UNC13C: variants seen among roughly 807,000 people sequenced by gnomAD.
UNC13C encodes the protein protein unc-13 homolog C.
A neutral mutation model predicts 245.4 loss-of-function variants in UNC13C; 174 were observed. The ratio of observed to expected loss-of-function variants is 0.71; its 90% CI spans 0.63 to 0.80. The LOEUF (loss-of-function observed/expected upper bound fraction) is 0.80. Among genes scored for constraint, UNC13C ranks in the 30% least tolerant of loss-of-function variants. The pLI is 0.00. For missense variants in UNC13C, 2,829 were observed against 2,602.9 expected, an observed-to-expected ratio of 1.09 and a Z score of -1.89; for synonymous variants, 992 against 895.1, an observed-to-expected ratio of 1.11 and a Z score of -1.93.
chr15:54,022,178 C>T (rs752159080), intron 2 of UNC13C, among the ~76,000 whole-genome samples: 19 of 152,126 alleles, frequency 1.2e-4, no homozygotes, highest in Admixed American at 5.9e-4. Flanking sequence ...CTGAAATGGC[C>T]GTGCTAATAT....
rs887378084 is a variant in UNC13C, at chr15:54,460,621, C to T, written c.4934-33987C>T. ...GGCCAGGATAAGTACTTGGGTTTCTCAGGCAATGGGCAGGGTCATAGAGCT... is the reference window on the plus strand; with the variant it reads ...GGCCAGGATAAGTACTTGGGTTTCTTAGGCAATGGGCAGGGTCATAGAGCT... On this transcript the variant is annotated intron_variant, in intron 19 of 32. Coordinates refer to ENST00000260323, the MANE Select transcript of UNC13C (RefSeq NM_001080534.3). 2.6e-5 allele frequency among the ~76,000 whole-genome samples: 4 copies of T among 152,356 alleles called. No homozygotes were observed. In the East Asian group the frequency reaches 5.8e-4, roughly 22 times the overall value.
At chr15:54,115,220 C>G (rs1015113460) in intron 2 of UNC13C, among the ~76,000 whole-genome samples, 1 of 151,918 alleles carries the variant, frequency 6.6e-6, no homozygotes, top group Non-Finnish European at 1.5e-5. Context: ...TACATATTTC[C>G]TACATTTTCA....
intron 29 of UNC13C, among the ~76,000 whole-genome samples, chr15:54,562,715 G>A (rs1258494091): frequency 6.6e-6 from 1 of 151,904 alleles, no homozygotes; most frequent in Non-Finnish European, 1.5e-5. Flanking sequence ...TTCAGATATC[G>A]AAGAAAACTA....
At chr15:54,149,756 C>T (rs755560578) in intron 4 of UNC13C, among the ~76,000 whole-genome samples, 3 of 152,146 alleles carry the variant, frequency 2.0e-5, no homozygotes, top group African/African-American at 4.8e-5. Flanking sequence ...GGTTCTACAT[C>T]TGTGGATTCA....
At chr15:53,931,047 G>C in the UNC13C span, among the ~76,000 whole-genome samples, 2 of 152,212 alleles carry the variant, frequency 1.3e-5, no homozygotes, top group African/African-American at 4.8e-5. Flanking sequence ...GAAAGAACCA[G>C]CAGTTGACAA....
intron 13 of UNC13C, among the ~76,000 whole-genome samples, 164 bp downstream of exon 13, chr15:54,300,537 T>G (rs984305337): frequency 1.3e-5 from 2 of 152,182 alleles, no homozygotes; most frequent in African/African-American, 4.8e-5. Context: ...CTGTAAAGTA[T>G]TAATGACTTG....
chr15:54,258,113 A>G (rs1226063069), intron 8 of UNC13C, among the ~76,000 whole-genome samples: 1 of 152,050 alleles, frequency 6.6e-6, no homozygotes, highest in African/African-American at 2.4e-5. Flanking sequence ...TTAACCACCC[A>G]CTTTCTTTGG....
At chr15:53,934,354 T>A in the UNC13C span, among the ~76,000 whole-genome samples, 3 of 152,242 alleles carry the variant, frequency 2.0e-5, no homozygotes, top group African/African-American at 7.2e-5. Context: ...TGTCTACTGA[T>A]GCCAGACTCT....
the UNC13C span, among the ~76,000 whole-genome samples, chr15:53,938,953 A>G: frequency 6.6e-6 from 1 of 152,158 alleles, no homozygotes; most frequent in African/African-American, 2.4e-5. Flanking sequence ...CAGAGAACCA[A>G]GAGCAAACCT....
chr15:54,011,366 C>T (rs1306112370), intron 1 of UNC13C, among the ~76,000 whole-genome samples: 1 of 152,144 alleles, frequency 6.6e-6, no homozygotes, highest in Non-Finnish European at 1.5e-5. Flanking sequence ...GAGGCATTAA[C>T]AGAATTGCTA....
Position 54,300,380 on chromosome 15 carries a change from A to G in UNC13C, c.4268+7A>G. 6.4e-7 allele frequency: 1 copy of G among 1,561,868 alleles called. No homozygotes were observed. Among genetic ancestry groups the G allele is most frequent in the Non-Finnish European group, 8.7e-7 (1 of 1,151,462 alleles). On this transcript the variant is annotated splice_region_variant and intron_variant, in intron 13 of 32. Coordinates refer to ENST00000260323, the MANE Select transcript of UNC13C (RefSeq NM_001080534.3). Reference sequence around the variant, plus strand: ...CCATTTATCAAGCTATGACGTAAGTACTACAGAACATTTACATGGTCAATA... The same window carrying G: ...CCATTTATCAAGCTATGACGTAAGTGCTACAGAACATTTACATGGTCAATA...
At chr15:53,950,812 T>C in the UNC13C span, among the ~76,000 whole-genome samples, 7 of 152,328 alleles carry the variant, frequency 4.6e-5, no homozygotes, top group East Asian at 1.4e-3. Flanking sequence ...TTTGCATTGC[T>C]TAGAGAAGAC....
At chr15:54,278,453 A>G (rs1467666294) in intron 10 of UNC13C, among the ~76,000 whole-genome samples, 1 of 152,122 alleles carries the variant, frequency 6.6e-6, no homozygotes, top group Non-Finnish European at 1.5e-5. Flanking sequence ...CTGGAAAAGC[A>G]TTCACTAATG....
At chr15:54,275,965 A>G (rs1396519012) in intron 10 of UNC13C, among the ~76,000 whole-genome samples, 2 of 152,158 alleles carry the variant, frequency 1.3e-5, no homozygotes, top group African/African-American at 4.8e-5. Flanking sequence ...AGCTGTAGGT[A>G]TACACAATAT....
intron 4 of UNC13C, among the ~76,000 whole-genome samples, chr15:54,151,743 A>G (rs766027382): frequency 1.3e-5 from 2 of 152,166 alleles, no homozygotes; most frequent in Non-Finnish European, 2.9e-5. Flanking sequence ...GCCACGATGC[A>G]CACAATGGTT....
chr15:54,178,599 G>A (rs901991120), intron 4 of UNC13C, among the ~76,000 whole-genome samples: 3 of 152,070 alleles, frequency 2.0e-5, no homozygotes, highest in Non-Finnish European at 4.4e-5. Flanking sequence ...GGTGCAAAAC[G>A]GATGCCTGTT....
At chr15:54,224,498 A>G (rs975596561) in intron 4 of UNC13C, among the ~76,000 whole-genome samples, 17 of 152,166 alleles carry the variant, frequency 1.1e-4, no homozygotes, top group African/African-American at 3.1e-4. Flanking sequence ...GTTATGATCA[A>G]TGATCTTTTC....
At chr15:53,845,249 T>C in the UNC13C span, among the ~76,000 whole-genome samples, 1 of 148,306 alleles carries the variant, frequency 6.7e-6, no homozygotes, top group African/African-American at 2.5e-5. Context: ...CACTTGAACC[T>C]GGGAGGCTGA....
intron 4 of UNC13C, among the ~76,000 whole-genome samples, chr15:54,156,283 A>G (rs2032741857): frequency 6.6e-6 from 1 of 152,176 alleles, no homozygotes; most frequent in Non-Finnish European, 1.5e-5. Context: ...TCTGTCAACC[A>G]TGATAAGCAT....
Sources: gnomAD v4.1 joint callset for allele counts (sites outside exome capture counted in the v4.1 genomes callset) on GRCh38, gnomAD v4.1.1 for gene constraint, MANE v1.5 for transcripts, NCBI Gene and HGNC (gene_info 2026-07-23, HGNC 2026-07-21) for gene names.